The following FRYL variants were observed in gnomAD, a reference collection of about 807,000 sequenced individuals.
FRYL encodes FRY like transcription coactivator, also known as protein furry homolog-like.
Under a neutral mutation model 351.2 loss-of-function variants are expected in FRYL, and 150 were observed. That is an observed-to-expected ratio of 0.43 (90% CI 0.37 to 0.49). FRYL has a LOEUF of 0.49. Among genes scored for constraint, FRYL ranks in the 20% least tolerant of loss-of-function variants. The pLI is 0.00. For synonymous variants in FRYL, 1,153 were observed against 1,257.1 expected (o/e 0.92, Z 1.75); for missense variants, 3,036 against 3,619.3 (o/e 0.84, Z 4.13).
In FRYL at chr4:48,515,304, T is replaced by C. The variant is rs749014064; in HGVS notation, c.7690-29A>G. ...CAAAACAATCATAGTTTTAGTGAACTATAAACACATAAAAAAAGAATTTTA... is the reference window on the plus strand; with the variant it reads ...CAAAACAATCATAGTTTTAGTGAACCATAAACACATAAAAAAAGAATTTTA... On this transcript the variant is annotated intron_variant, in intron 55 of 63. Transcript: ENST00000358350. 27 of 1,513,104 alleles carry C rather than the reference T, an allele frequency of 1.8e-5. No individual in the cohort carries two copies. The East Asian group carries it at 5.0e-4, about 28-fold the overall frequency. 93.7% of individuals were successfully genotyped at this position (1,513,104 alleles called of 1,614,324 possible). A position where few individuals can be genotyped will look rare whatever the true frequency, so the allele number is the denominator to read the frequency against.
At chr4:48,588,396 T>TC (rs1320333366) in intron 18 of FRYL, among the ~76,000 whole-genome samples, 1 of 152,110 alleles carries the variant, frequency 6.6e-6, no homozygotes, top group Non-Finnish European at 1.5e-5. Flanking sequence ...TACACCCCAC[T>TC]CCATCCCCCA....
intron 4 of FRYL, among the ~76,000 whole-genome samples, chr4:48,632,438 G>A (rs1008506008): frequency 2.0e-5 from 3 of 150,416 alleles, no homozygotes; most frequent in Non-Finnish European, 3.0e-5. Flanking sequence ...CATTGAAAAA[G>A]AAAACTAACA....
intron 2 of FRYL, among the ~76,000 whole-genome samples, chr4:48,689,408 T>C (rs1368120811): frequency 6.6e-6 from 1 of 152,224 alleles, no homozygotes; most frequent in African/African-American, 2.4e-5. Flanking sequence ...GGAATTCAAC[T>C]ACAAATTTAT....
chr4:48,587,649 T>C (rs1043661699), intron 18 of FRYL, among the ~76,000 whole-genome samples: 1 of 152,120 alleles, frequency 6.6e-6, no homozygotes, highest in African/African-American at 2.4e-5. Context: ...GTTCAGGCGA[T>C]TCTCCTGCCT....
chr4:48,602,110 T>C lies in FRYL; in HGVS notation c.945A>G (p.Pro315=), dbSNP rs1257770190. 1 of 1,565,836 alleles carries C rather than the reference T, an allele frequency of 6.4e-7. No individual in the cohort carries two copies. Among genetic ancestry groups the C allele is most frequent in the South Asian group, 1.1e-5 (1 of 89,938 alleles). The change falls in exon 13 of 64, where the codon CCA becomes CCG. Residue 315 remains proline, a synonymous_variant. Coordinates refer to ENST00000358350, the MANE Select transcript of FRYL (RefSeq NM_015030.2). ...SRKKHSLALY[P]LITCLLCVSQ... ...TGACACATAAAAGGCAGGTAATTAG[T>C]GGATATAAAGCCTATAGGAGACGGG...
At position 48,598,790 on chromosome 4, in the gene FRYL, T is replaced by C. The variant is rs914306018; in HGVS notation, c.1036-2790A>G. On this transcript the variant is annotated intron_variant, in intron 13 of 63. Transcript: ENST00000358350. ...AAACAAATGCCACGCTTAAAGGAAATAAAGCAGTATTTTACTTTGTAATGT... is the reference window on the plus strand; with the variant it reads ...AAACAAATGCCACGCTTAAAGGAAACAAAGCAGTATTTTACTTTGTAATGT... The C allele has an allele frequency of 1.3e-5, 12 of 921,194 alleles. No individual in the cohort carries two copies. In the African/African-American group the frequency reaches 2.0e-4, roughly 15 times the overall value. The allele number at this position is 921,194 out of a possible 1,614,324, so 57.1% of individuals were successfully genotyped here. A position where few individuals can be genotyped will look rare whatever the true frequency, so the allele number is the denominator to read the frequency against.
Position 48,605,622 on chromosome 4 carries a change from C to G in FRYL, c.834+119G>C, listed in dbSNP as rs191579998. 12 of 689,566 alleles carry G rather than the reference C, an allele frequency of 1.7e-5. No homozygotes were observed. The East Asian group carries it at 2.2e-4, about 13-fold the overall frequency. 42.7% of individuals were successfully genotyped at this position (689,566 alleles called of 1,614,324 possible). ...AGCAACAGGGAGCAAATGAGACGAG[C>G]CTTCCCATGGCCACAGCTTATTGTC... On this transcript the variant is annotated intron_variant, in intron 11 of 63. Coordinates refer to ENST00000358350, the MANE Select transcript of FRYL (RefSeq NM_015030.2).
At chr4:48,605,699 T>C in intron 11 of FRYL, 42 bp downstream of exon 11, 1 of 1,233,108 alleles carries the variant, frequency 8.1e-7, no homozygotes, top group Non-Finnish European at 1.2e-6. Flanking sequence ...ATAAGGTTCT[T>C]GTATAACACA....
chr4:48,635,289 T>C (rs1753999185), intron 3 of FRYL, among the ~76,000 whole-genome samples: 3 of 152,152 alleles, frequency 2.0e-5, no homozygotes, highest in African/African-American at 7.2e-5. Flanking sequence ...CTGGTACCTC[T>C]GGAGAATGGA....
intron 7 of FRYL, among the ~76,000 whole-genome samples, chr4:48,612,737 C>T (rs1168215834): frequency 1.4e-5 from 2 of 140,738 alleles, no homozygotes; most frequent in South Asian, 4.9e-4. Context: ...TGCCACCATG[C>T]CTGGCTAATT....
At chr4:48,644,854 A>T (rs1232692252) in intron 3 of FRYL, among the ~76,000 whole-genome samples, 1 of 151,912 alleles carries the variant, frequency 6.6e-6, no homozygotes, top group Non-Finnish European at 1.5e-5. Context: ...GCATTTAACC[A>T]AATACAAATT....
chr4:48,525,915 G>A (rs1289399712), intron 53 of FRYL, among the ~76,000 whole-genome samples: 1 of 152,008 alleles, frequency 6.6e-6, no homozygotes, highest in East Asian at 1.9e-4. Context: ...ATGTGTATGA[G>A]CTGTATATGA....
At position 48,623,963 on chromosome 4, in the gene FRYL, G is replaced by A. The variant is rs551252806; in HGVS notation, c.121-784C>T. Among the ~76,000 whole-genome samples, 146 of 152,216 alleles carry A rather than the reference G, an allele frequency of 9.6e-4. 1 individual carries two copies. The highest frequency in any genetic ancestry group is 3.4e-3 in the African/African-American group (143 of 41,538). ...TGTTTACCAGTGGGGAGAGAAATTTGATAGTTAGAAAAAGAGGTAAAAGTT... is the reference window on the plus strand; with the variant it reads ...TGTTTACCAGTGGGGAGAGAAATTTAATAGTTAGAAAAAGAGGTAAAAGTT... On this transcript the variant is annotated intron_variant, in intron 4 of 63. Transcript: ENST00000358350.
At chr4:48,708,550 T>C (rs1037199652) in intron 2 of FRYL, among the ~76,000 whole-genome samples, 5 of 152,326 alleles carry the variant, frequency 3.3e-5, no homozygotes, top group African/African-American at 1.2e-4. Flanking sequence ...AGTGGCAAGA[T>C]ATAAAAAGAT....
intron 1 of FRYL, among the ~76,000 whole-genome samples, chr4:48,768,553 C>A (rs567056340): frequency 5.9e-5 from 9 of 152,098 alleles, no homozygotes; most frequent in Non-Finnish European, 1.0e-4. Flanking sequence ...GCCTGTAATC[C>A]CAGCACTCTG....
At position 48,535,720 on chromosome 4, in the gene FRYL, C is replaced by A. The variant is rs1190691155; in HGVS notation, c.6501G>T (p.Val2167=). 1.2e-6 allele frequency: 2 copies of A among 1,610,174 alleles called. No homozygotes were observed. The highest frequency in any genetic ancestry group is 2.2e-5 in the East Asian group (1 of 44,702). The stretch of plus-strand genomic sequence containing the variant: ...AGAAGGAGTCATGCAGGTATCTGCA[C>A]ACGACATTGATCCAGTTAGAACAGT... ...SRDCSNWINV[V]CRYLHDSFSD... is the part of the protein sequence containing the mutation. Residue 2167 remains valine, a synonymous_variant, in exon 48 of 64, where the codon GTG becomes GTT. Coordinates refer to ENST00000358350, the MANE Select transcript of FRYL (RefSeq NM_015030.2).
chr4:48,584,871 G>T (rs1741762432), intron 19 of FRYL, among the ~76,000 whole-genome samples: 2 of 152,182 alleles, frequency 1.3e-5, no homozygotes, highest in African/African-American at 4.8e-5. Flanking sequence ...CAAATGATAA[G>T]AAGAGAGGAG....
intron 33 of FRYL, 125 bp from the exon 34 acceptor site, chr4:48,557,837 G>A (rs1474539715): frequency 9.3e-7 from 1 of 1,076,354 alleles, no homozygotes; most frequent in Non-Finnish European, 1.3e-6. Flanking sequence ...ACAATTATGA[G>A]TATTGTTTTT....
chr4:48,755,668 C>T (rs1414166707), intron 1 of FRYL, among the ~76,000 whole-genome samples: 2 of 152,126 alleles, frequency 1.3e-5, no homozygotes, highest in East Asian at 3.9e-4. Context: ...CCATGTGATA[C>T]TTTTCTTTAA....
Sources: allele counts gnomAD v4.1 joint callset (sites outside exome capture counted in the v4.1 genomes callset), GRCh38; gene constraint gnomAD v4.1.1; transcripts MANE v1.5; gene names NCBI Gene and HGNC (gene_info 2026-07-23, HGNC 2026-07-21).